CNTN4: variants seen among roughly 807,000 people sequenced by gnomAD.
CNTN4 encodes the protein contactin-4.
Under a neutral mutation model 122.5 loss-of-function variants are expected in CNTN4, and 77 were observed. The observed-to-expected ratio is 0.63, with a 90% CI of 0.52 to 0.76. The LOEUF (loss-of-function observed/expected upper bound fraction) is 0.76. CNTN4 is among the 30% of genes least tolerant of loss of function. The pLI is 0.00. For missense variants in CNTN4, 1,256 were observed against 1,259.1 expected (o/e 1.00, Z 0.04); for synonymous variants, 512 against 447.0 (o/e 1.15, Z -1.83).
Position 2,988,446 on chromosome 3 carries a change from G to A in CNTN4, c.1460G>A (p.Ser487Asn), listed in dbSNP as rs1694773628. The change falls in exon 14 of 25, where the codon AGC (serine) becomes AAC (asparagine). Residue 487 changes from serine to asparagine, a missense_variant. By Grantham distance (46) the Ser-to-Asn change is conservative. Coordinates refer to ENST00000418658, the MANE Select transcript of CNTN4 (RefSeq NM_175607.3). ...CIATNHFGTASSTGNLVVKDP... is the reference protein window; with the variant it reads ...CIATNHFGTANSTGNLVVKDP... ...GCCACTAACCATTTTGGAACTGCTAGCAGTACTGGAAACTTGGTAGTGAAA... is the reference window on the plus strand; with the variant it reads ...GCCACTAACCATTTTGGAACTGCTAACAGTACTGGAAACTTGGTAGTGAAA... 1.2e-6 allele frequency: 2 copies of A among 1,613,794 alleles called. No individual in the cohort carries two copies.
Position 2,842,695 on chromosome 3 carries a change from A to G in CNTN4, c.454+23114A>G, listed in dbSNP as rs1320271724. Among the ~76,000 whole-genome samples the G allele has an allele frequency of 2.0e-5, 3 of 152,206 alleles. No homozygotes were observed. In the South Asian group the frequency reaches 6.2e-4, roughly 32 times the overall value. On this transcript the variant is annotated intron_variant, in intron 7 of 24. Transcript: ENST00000418658. The stretch of plus-strand genomic sequence containing the variant: ...GATGTCCACAATACTAAAGCTGATG[A>G]TAAATTCTTAGTTCTCACAGTATTT...
At chr3:2,340,198 C>T (rs1294646223) in intron 3 of CNTN4, among the ~76,000 whole-genome samples, 1 of 152,100 alleles carries the variant, frequency 6.6e-6, no homozygotes, top group Non-Finnish European at 1.5e-5. Context: ...ATCTAATTCA[C>T]TCATAACAGT....
At chr3:2,834,994 T>C (rs567341110) in intron 7 of CNTN4, among the ~76,000 whole-genome samples, 2 of 135,088 alleles carry the variant, frequency 1.5e-5, no homozygotes, top group East Asian at 5.0e-4. Context: ...CAGCTCCGCC[T>C]CCCGGGTTCA....
chr3:2,185,041 T>C (rs891326523), intron 2 of CNTN4, among the ~76,000 whole-genome samples: 13 of 152,210 alleles, frequency 8.5e-5, no homozygotes, highest in East Asian at 1.9e-4. Flanking sequence ...GGATTCCTCA[T>C]TGTGCAACTG....
intron 6 of CNTN4, among the ~76,000 whole-genome samples, chr3:2,774,466 C>T (rs565314754): frequency 6.6e-6 from 1 of 152,166 alleles, no homozygotes; most frequent in Admixed American, 6.5e-5. Flanking sequence ...CTTTTCTTTC[C>T]TTGTGTGCAT....
At chr3:2,495,149 A>T (rs2151699269) in intron 3 of CNTN4, among the ~76,000 whole-genome samples, 1 of 152,322 alleles carries the variant, frequency 6.6e-6, no homozygotes, top group Middle Eastern at 3.4e-3. Context: ...CATCATAATC[A>T]ATATTTAATA....
intron 3 of CNTN4, among the ~76,000 whole-genome samples, chr3:2,447,426 C>A (rs1253188048): frequency 3.3e-5 from 5 of 151,912 alleles, no homozygotes; most frequent in African/African-American, 9.7e-5. Flanking sequence ...AATAGTAACT[C>A]CTCAAAAAAA....
At chr3:2,706,658 A>G (rs557740025) in intron 4 of CNTN4, among the ~76,000 whole-genome samples, 1 of 152,322 alleles carries the variant, frequency 6.6e-6, no homozygotes, top group African/African-American at 2.4e-5. Flanking sequence ...CACCTGCCAT[A>G]GCAAAATACT....
At chr3:2,846,156 C>T (rs1467986426) in intron 7 of CNTN4, among the ~76,000 whole-genome samples, 1 of 152,124 alleles carries the variant, frequency 6.6e-6, no homozygotes, top group African/African-American at 2.4e-5. Flanking sequence ...GCATTTTCAA[C>T]CCAGTTGATA....
chr3:2,190,379 G>A (rs1176316185), intron 2 of CNTN4, among the ~76,000 whole-genome samples: 2 of 151,342 alleles, frequency 1.3e-5, no homozygotes, highest in Non-Finnish European at 2.9e-5. Context: ...TCTAGAGGAA[G>A]CACAAAAACA....
At position 2,668,543 on chromosome 3, in the gene CNTN4, G is replaced by A. The variant is rs2084308576; in HGVS notation, c.56-67672G>A. Among the ~76,000 whole-genome samples, 2 of 152,162 alleles carry A rather than the reference G, an allele frequency of 1.3e-5. 1 individual carries two copies. The highest frequency in any genetic ancestry group is 4.1e-4 in the South Asian group (2 of 4,828). ...TACAATCAGGTCATCTGCAAACAGG[G>A]ACAATTTGACTTCCTCTTTTCCTAA... On this transcript the variant is annotated intron_variant, in intron 4 of 24. Transcript: ENST00000418658.
chr3:2,507,268 C>A (rs1392937885), intron 3 of CNTN4, among the ~76,000 whole-genome samples: 2 of 152,054 alleles, frequency 1.3e-5, no homozygotes, highest in Admixed American at 1.3e-4. Flanking sequence ...GGGGGGCTGT[C>A]CTGTGCTTGG....
At chr3:2,352,551 G>A (rs2044674277) in intron 3 of CNTN4, among the ~76,000 whole-genome samples, 2 of 152,188 alleles carry the variant, frequency 1.3e-5, no homozygotes, top group Admixed American at 6.5e-5. Flanking sequence ...CGGGCGGAGG[G>A]GATGCCAGGT....
chr3:2,332,699 C>T, intron 2 of CNTN4, among the ~76,000 whole-genome samples: 1 of 135,016 alleles, frequency 7.4e-6, no homozygotes, highest in Non-Finnish European at 1.5e-5. Context: ...GGAAGGGTAA[C>T]ATCACACTCT....
chr3:2,461,824 C>T (rs1262570298), intron 3 of CNTN4, among the ~76,000 whole-genome samples: 2 of 152,178 alleles, frequency 1.3e-5, no homozygotes, highest in African/African-American at 4.8e-5. Flanking sequence ...CACTTAGAGG[C>T]AAACTGATGC....
chr3:2,891,233 G>A (rs1469702796), intron 10 of CNTN4, among the ~76,000 whole-genome samples: 1 of 152,156 alleles, frequency 6.6e-6, no homozygotes, highest in East Asian at 1.9e-4. Flanking sequence ...GGAGGCCGAA[G>A]TGGGTGAGTC....
intron 23 of CNTN4, among the ~76,000 whole-genome samples, chr3:3,049,982 G>C (rs1027021521): frequency 1.3e-5 from 2 of 152,188 alleles, no homozygotes; most frequent in Admixed American, 6.5e-5. Flanking sequence ...ACCTGAGACT[G>C]GGCAATTAAT....
intron 3 of CNTN4, among the ~76,000 whole-genome samples, chr3:2,431,668 C>G (rs1179362165): frequency 6.6e-6 from 1 of 152,052 alleles, no homozygotes; most frequent in Non-Finnish European, 1.5e-5. Context: ...CAGTAGAGAG[C>G]AAAGAAACAT....
chr3:2,618,973 C>T (rs2081888828), intron 4 of CNTN4, among the ~76,000 whole-genome samples: 1 of 152,144 alleles, frequency 6.6e-6, no homozygotes, highest in African/African-American at 2.4e-5. Flanking sequence ...GCTCACCAAA[C>T]CAGTTATCTG....
Sources: allele counts gnomAD v4.1 joint callset (sites outside exome capture counted in the v4.1 genomes callset), GRCh38; gene constraint gnomAD v4.1.1; transcripts MANE v1.5; gene names NCBI Gene and HGNC (gene_info 2026-07-23, HGNC 2026-07-21).